The following SEPTIN2 variants were observed in gnomAD, a reference collection of about 807,000 sequenced individuals.
SEPTIN2 encodes septin-2.
A neutral mutation model predicts 46.5 loss-of-function variants in SEPTIN2; 34 were observed. The observed-to-expected ratio is 0.73, with a 90% CI of 0.56 to 0.97. The LOEUF (loss-of-function observed/expected upper bound fraction) is 0.97, where lower values mean the gene tolerates loss of function less well. SEPTIN2 is among the 50% of genes least tolerant of loss of function. The probability of loss-of-function intolerance (pLI) is 0.00; values close to 1 mark genes in which losing one functional copy is unlikely to be tolerated. For missense variants in SEPTIN2, 347 were observed against 448.4 expected, an observed-to-expected ratio of 0.77 and a Z score of 2.04; for synonymous variants, 175 against 153.4, an observed-to-expected ratio of 1.14 and a Z score of -1.04.
intron 4 of SEPTIN2, chr2:241,335,757 CA>C: frequency 3.4e-6 from 2 of 590,208 alleles, no homozygotes; most frequent in East Asian, 5.7e-5. Flanking sequence ...TAATTTTTAA[CA>C]TTTGTGTTTT....
chr2:241,316,971 G>C (rs968016206), intron 1 of SEPTIN2: 3 of 157,172 alleles, frequency 1.9e-5, no homozygotes, highest in Non-Finnish European at 4.2e-5. Flanking sequence ...TGGACTATTG[G>C]TGCTGTGAGG....
intron 1 of SEPTIN2, among the ~76,000 whole-genome samples, chr2:241,319,665 CACT>C (rs1485788198): frequency 1.2e-4 from 19 of 152,216 alleles, no homozygotes; most frequent in African/African-American, 4.1e-4. Context: ...CATCTCGGCT[CACT>C]ACAGCCTTCA....
rs1450862467 is a variant in SEPTIN2 at position 241,337,571 on chromosome 2, A to G, written c.476+55A>G. On this transcript the variant is annotated intron_variant, in intron 6 of 12. Coordinates refer to ENST00000391971, the MANE Select transcript of SEPTIN2 (RefSeq NM_004404.5). ...TTTACTACATGGGTTTGTAAGTTTT[A>G]CCCAAACTGTGTATTTTAATATAAG... is the stretch of plus-strand genomic sequence containing the variant. 4.4e-6 allele frequency: 7 copies of G among 1,594,586 alleles called. No individual in the cohort carries two copies. In the East Asian group the frequency reaches 1.3e-4, roughly 31 times the overall value.
Position 241,328,483 on chromosome 2 carries a change from T to TCACAGCATCTTGGGAGG in SEPTIN2, c.130+2372_130+2388dup, listed in dbSNP as rs373611324. On this transcript the variant is annotated intron_variant, in intron 3 of 12. Coordinates refer to ENST00000391971, the MANE Select transcript of SEPTIN2 (RefSeq NM_004404.5). The stretch of plus-strand genomic sequence containing the variant: ...TGGGTGTGGTGGCTCATGCCTGTAA[T>TCACAGCATCTTGGGAGG]CACAGCATCTTGGGAGGCTGAGGTG... Among the ~76,000 whole-genome samples the TCACAGCATCTTGGGAGG allele has an allele frequency of 6.8e-3, 1,027 of 152,110 alleles. 7 individuals carry two copies. Among genetic ancestry groups the TCACAGCATCTTGGGAGG allele is most frequent in the African/African-American group, 0.023 (961 of 41,480 alleles).
chr2:241,318,520 A>G (rs2076701857), intron 1 of SEPTIN2, among the ~76,000 whole-genome samples: 1 of 152,086 alleles, frequency 6.6e-6, no homozygotes, highest in South Asian at 2.1e-4. Context: ...TTTATGTAGG[A>G]CCTGTTTTCT....
intron 7 of SEPTIN2, among the ~76,000 whole-genome samples, chr2:241,340,100 G>C (rs1003211101): frequency 5.9e-5 from 9 of 152,188 alleles, no homozygotes; most frequent in Admixed American, 5.2e-4. Context: ...TTGCTCTAAA[G>C]TAAGTTTGTA....
intron 3 of SEPTIN2, among the ~76,000 whole-genome samples, chr2:241,329,214 C>T (rs1420495161): frequency 6.6e-6 from 1 of 151,872 alleles, no homozygotes; most frequent in African/African-American, 2.4e-5. Flanking sequence ...CAAGCTCCAC[C>T]TCCCGGGTTC....
Position 241,337,703 on chromosome 2 carries a change from G to T in SEPTIN2, c.507G>T (p.Lys169Asn), listed in dbSNP as rs760937813. ...AGCCCTTAGATGTGGCGTTTATGAAGGCAATACACAACAAGGTGAATATTG... is the reference window on the plus strand; with the variant it reads ...AGCCCTTAGATGTGGCGTTTATGAATGCAATACACAACAAGGTGAATATTG... The part of the protein sequence containing the change: ...GLKPLDVAFM[K>N]AIHNKVNIVP... Residue 169 changes from lysine to asparagine, a missense_variant, in exon 7 of 13, where the codon AAG becomes AAT. Physicochemically the swap from Lys to Asn is moderately conservative, Grantham distance 94. Transcript: ENST00000391971. The T allele has an allele frequency of 6.2e-7, 1 of 1,613,832 alleles. No individual in the cohort carries two copies. Among genetic ancestry groups the T allele is most frequent in the Non-Finnish European group, 8.5e-7 (1 of 1,179,898 alleles).
chr2:241,347,226 A>G (rs2060331952), intron 10 of SEPTIN2, among the ~76,000 whole-genome samples: 2 of 152,202 alleles, frequency 1.3e-5, no homozygotes, highest in Non-Finnish European at 2.9e-5. Context: ...AGACTGGGCA[A>G]CAGAGTGAGA....
intron 9 of SEPTIN2, among the ~76,000 whole-genome samples, chr2:241,345,690 T>C (rs529658400): frequency 7.2e-5 from 11 of 152,374 alleles, no homozygotes; most frequent in African/African-American, 2.4e-4. Flanking sequence ...TCCTTCACTT[T>C]ATGGTCTTGT....
intron 1 of SEPTIN2, among the ~76,000 whole-genome samples, chr2:241,323,840 A>G (rs2077515172): frequency 1.3e-5 from 2 of 152,158 alleles, no homozygotes; most frequent in South Asian, 4.1e-4. Flanking sequence ...TACAAATTTG[A>G]TTGGCTACTA....
Position 241,337,529 on chromosome 2 carries a change from T to A in SEPTIN2, c.476+13T>A. On this transcript the variant is annotated intron_variant, in intron 6 of 12. Coordinates refer to ENST00000391971, the MANE Select transcript of SEPTIN2 (RefSeq NM_004404.5). Reference sequence around the variant, plus strand: ...CTTTTGGACATGGGTAAGTAATTGTTTATCGTGGAGAAATGCTTTACTACA... The same window carrying A: ...CTTTTGGACATGGGTAAGTAATTGTATATCGTGGAGAAATGCTTTACTACA... 1 of 1,612,936 alleles carries A rather than the reference T, an allele frequency of 6.2e-7. No individual in the cohort carries two copies. Among genetic ancestry groups the A allele is most frequent in the Non-Finnish European group, 8.5e-7 (1 of 1,179,258 alleles).
chr2:241,337,913 C>A, intron 7 of SEPTIN2, 123 bp downstream of exon 7: 1 of 603,758 alleles, frequency 1.7e-6, no homozygotes, highest in Non-Finnish European at 2.9e-6. Flanking sequence ...GAGAATTTTT[C>A]CTGCATTTTA....
At chr2:241,333,829 T>C (rs1164586678) in intron 3 of SEPTIN2, among the ~76,000 whole-genome samples, 1 of 152,132 alleles carries the variant, frequency 6.6e-6, no homozygotes, top group Non-Finnish European at 1.5e-5. Flanking sequence ...CAAATTCACT[T>C]ATTTGTTCTT....
rs1039540813 is a variant in SEPTIN2 at position 241,348,041 on chromosome 2, A to G, written c.927-93A>G. ...ATATAAAAAGAGAAATGATAAATAC[A>G]TGTCATTTTAAATTTTAAAGTAGAA... On this transcript the variant is annotated intron_variant, in intron 10 of 12. Transcript: ENST00000391971. 7.6e-6 allele frequency: 7 copies of G among 918,696 alleles called. No individual in the cohort carries two copies. In the East Asian group the frequency reaches 1.0e-4, roughly 13 times the overall value. The allele number at this position is 918,696 out of a possible 1,614,324, so 56.9% of individuals were successfully genotyped here.
Position 241,348,175 on chromosome 2 carries a change from T to A in SEPTIN2, c.968T>A (p.Leu323Gln). 6.2e-7 allele frequency: 1 copy of A among 1,613,108 alleles called. No individual in the cohort carries two copies. ...NEDMNKDQIL[L>Q]EKEAELRRMQ... The stretch of plus-strand genomic sequence containing the variant: ...GACATGAATAAAGACCAGATCTTGC[T>A]GGAAAAAGAAGCTGAGGTAAGTAGG... The change falls in exon 11 of 13, where the codon CTG becomes CAG. Residue 323 changes from leucine (L) to glutamine (Q), a missense_variant. Coordinates refer to ENST00000391971, the MANE Select transcript of SEPTIN2 (RefSeq NM_004404.5).
intron 1 of SEPTIN2, among the ~76,000 whole-genome samples, chr2:241,320,929 T>C (rs1357394970): frequency 6.6e-6 from 1 of 152,206 alleles, no homozygotes; most frequent in Non-Finnish European, 1.5e-5. Flanking sequence ...TTTCTAGAGA[T>C]TGCTTATGGC....
In SEPTIN2 at chr2:241,316,451, C is replaced by T. The variant is rs545698313; in HGVS notation, c.-18+469C>T. 295 of 1,462,532 alleles carry T rather than the reference C, an allele frequency of 2.0e-4. 5 individuals carry two copies. In the South Asian group the frequency reaches 3.7e-3, roughly 18 times the overall value. The allele number at this position is 1,462,532 out of a possible 1,614,324, so 90.6% of individuals were successfully genotyped here. A position where few individuals can be genotyped will look rare whatever the true frequency, so the allele number is the denominator to read the frequency against. ...GGAGGACTGGCCAGCCCCCAAACCT[C>T]CAAGCCCATCGGCTGGATGCCGTGG... is the stretch of plus-strand genomic sequence containing the variant. On this transcript the variant is annotated intron_variant, in intron 1 of 12. Transcript: ENST00000391971.
At position 241,344,507 on chromosome 2, in the gene SEPTIN2, A is replaced by C. The variant is rs188068902; in HGVS notation, c.842+610A>C. Reference sequence around the variant, plus strand: ...AGGTCAGGAGTTCAAGACCAGCCTGACCAACATGGTGAAACCCCATCTGTA... The same window carrying C: ...AGGTCAGGAGTTCAAGACCAGCCTGCCCAACATGGTGAAACCCCATCTGTA... On this transcript the variant is annotated intron_variant, in intron 9 of 12. Coordinates refer to ENST00000391971, the MANE Select transcript of SEPTIN2 (RefSeq NM_004404.5). Among the ~76,000 whole-genome samples, 754 of 152,002 alleles carry C rather than the reference A, an allele frequency of 5.0e-3. 3 individuals carry two copies. Among genetic ancestry groups the C allele is most frequent in the Admixed American group, 9.3e-3 (142 of 15,284 alleles).
Sources: gnomAD v4.1 joint callset for allele counts (sites outside exome capture counted in the v4.1 genomes callset) on GRCh38, gnomAD v4.1.1 for gene constraint, MANE v1.5 for transcripts, NCBI Gene and HGNC (gene_info 2026-07-23, HGNC 2026-07-21) for gene names.